Variants in LMBR1 observed in about 807,000 individuals in gnomAD.
The protein encoded by LMBR1 is limb region 1 protein homolog.
A neutral mutation model predicts 73.9 loss-of-function variants in LMBR1; 52 were observed. The observed-to-expected ratio is 0.70, with a 90% CI of 0.56 to 0.89. LMBR1 has a LOEUF of 0.89. LMBR1 is among the 40% of genes least tolerant of loss of function. LMBR1 has a pLI of 0.00. For missense variants in LMBR1, 539 were observed against 579.8 expected (o/e 0.93, Z 0.72); for synonymous variants, 215 against 209.4 (o/e 1.03, Z -0.23).
At chr7:156,835,251 T>A (rs553113074) in intron 2 of LMBR1, among the ~76,000 whole-genome samples, 3,052 of 152,308 alleles carry the variant, frequency 0.02, 106 homozygotes, top group African/African-American at 0.069. Context: ...ACCCATCTGC[T>A]TCAGTGTCAA....
chr7:156,750,803 T>C (rs973753499), intron 9 of LMBR1, among the ~76,000 whole-genome samples: 1 of 152,172 alleles, frequency 6.6e-6, no homozygotes, highest in Non-Finnish European at 1.5e-5. Context: ...GGCTCCCACC[T>C]GTAATTTACA....
intron 5 of LMBR1, among the ~76,000 whole-genome samples, chr7:156,767,653 T>C (rs1824340270): frequency 1.3e-5 from 2 of 151,648 alleles, no homozygotes; most frequent in Admixed American, 6.6e-5. Context: ...AAAAGTAATA[T>C]TACTAAGATA....
At chr7:156,787,816 G>A (rs979098790) in intron 5 of LMBR1, among the ~76,000 whole-genome samples, 6 of 151,760 alleles carry the variant, frequency 4.0e-5, no homozygotes, top group South Asian at 2.1e-4. Flanking sequence ...TCGCTCTGTC[G>A]CCCAGGCTGG....
At chr7:156,803,101 C>G (rs1831308522) in intron 4 of LMBR1, among the ~76,000 whole-genome samples, 1 of 152,116 alleles carries the variant, frequency 6.6e-6, no homozygotes, top group African/African-American at 2.4e-5. Flanking sequence ...GCAAGGACTT[C>G]ATGTCTAAAA....
At chr7:156,730,127 A>G (rs1048506365) in intron 10 of LMBR1, among the ~76,000 whole-genome samples, 1 of 152,254 alleles carries the variant, frequency 6.6e-6, no homozygotes, top group Non-Finnish European at 1.5e-5. Context: ...CCAAGAGGAC[A>G]GACATTGGCA....
intron 1 of LMBR1, among the ~76,000 whole-genome samples, chr7:156,881,705 C>T (rs1801113303): frequency 6.6e-6 from 1 of 151,860 alleles, no homozygotes; most frequent in African/African-American, 2.4e-5. Flanking sequence ...ATACAAACAG[C>T]CAACATGTAT....
chr7:156,803,603 G>T (rs1344993410), intron 4 of LMBR1, among the ~76,000 whole-genome samples: 1 of 152,142 alleles, frequency 6.6e-6, no homozygotes, highest in Non-Finnish European at 1.5e-5. Flanking sequence ...CAAGGATCTA[G>T]AACTAGAAAT....
chr7:156,692,579 C>G (rs1330153488), intron 15 of LMBR1, among the ~76,000 whole-genome samples: 1 of 152,152 alleles, frequency 6.6e-6, no homozygotes, highest in Non-Finnish European at 1.5e-5. Flanking sequence ...AAACGAAGGA[C>G]AGTGATCACT....
intron 15 of LMBR1, among the ~76,000 whole-genome samples, chr7:156,707,795 T>C (rs1253099602): frequency 6.6e-6 from 1 of 152,132 alleles, no homozygotes; most frequent in African/African-American, 2.4e-5. Context: ...ATGTCAATTT[T>C]CACCACTCCT....
At chr7:156,764,497 CAAA>C (rs1181602643) in intron 5 of LMBR1, among the ~76,000 whole-genome samples, 1 of 151,884 alleles carries the variant, frequency 6.6e-6, no homozygotes, top group Non-Finnish European at 1.5e-5. Context: ...CAGGATAAGA[CAAA>C]AAAAGAAACC....
chr7:156,802,041 G>A (rs1440918826), intron 4 of LMBR1, among the ~76,000 whole-genome samples: 1 of 151,918 alleles, frequency 6.6e-6, no homozygotes, highest in Admixed American at 6.6e-5. Context: ...GGAGTGCAAT[G>A]GCGCAATCTC....
intron 5 of LMBR1, among the ~76,000 whole-genome samples, chr7:156,784,653 A>AT (rs1827757835): frequency 6.6e-6 from 1 of 152,242 alleles, no homozygotes; most frequent in South Asian, 2.1e-4. Flanking sequence ...TCAATCTGTG[A>AT]AACTGCATAA....
At chr7:156,816,457 C>G (rs779293623) in intron 4 of LMBR1, among the ~76,000 whole-genome samples, 7 of 152,140 alleles carry the variant, frequency 4.6e-5, no homozygotes, top group Non-Finnish European at 8.8e-5. Flanking sequence ...TGTTGGACAA[C>G]TGAAGAAAAC....
At chr7:156,829,002 T>A (rs1235223618) in intron 3 of LMBR1, among the ~76,000 whole-genome samples, 1 of 152,126 alleles carries the variant, frequency 6.6e-6, no homozygotes, top group Admixed American at 6.5e-5. Flanking sequence ...GACGCCCCTT[T>A]CCCTTTCCTC....
chr7:156,755,697 C>T (rs1821731669), intron 9 of LMBR1, among the ~76,000 whole-genome samples: 1 of 152,124 alleles, frequency 6.6e-6, no homozygotes, highest in South Asian at 2.1e-4. Context: ...ATATGTAGTT[C>T]CAGTCTAAAA....
At chr7:156,714,937 T>TA (rs201398786) in intron 15 of LMBR1, among the ~76,000 whole-genome samples, 6 of 150,534 alleles carry the variant, frequency 4.0e-5, no homozygotes, top group Admixed American at 1.3e-4. Context: ...AAAAGACTTA[T>TA]AAAAAAATAC....
intron 16 of LMBR1, among the ~76,000 whole-genome samples, chr7:156,686,176 A>G (rs942603949): frequency 6.6e-6 from 1 of 152,190 alleles, no homozygotes; most frequent in Non-Finnish European, 1.5e-5. Context: ...CGATTATCTG[A>G]GTTCACGCCT....
intron 1 of LMBR1, among the ~76,000 whole-genome samples, chr7:156,847,627 A>G (rs1795673849): frequency 6.6e-6 from 1 of 152,162 alleles, no homozygotes; most frequent in South Asian, 2.1e-4. Context: ...AAAATGGCCA[A>G]AGACCTCATG....
At chr7:156,789,079 T>C (rs1300555545) in intron 5 of LMBR1, among the ~76,000 whole-genome samples, 3 of 152,144 alleles carry the variant, frequency 2.0e-5, no homozygotes, top group Non-Finnish European at 4.4e-5. Context: ...TCTAGCATTA[T>C]AAAACAACTT....
Sources: gnomAD v4.1 joint callset for allele counts (sites outside exome capture counted in the v4.1 genomes callset) on GRCh38, gnomAD v4.1.1 for gene constraint, MANE v1.5 for transcripts, NCBI Gene and HGNC (gene_info 2026-07-23, HGNC 2026-07-21) for gene names.